OCA2: variants seen among roughly 807,000 people sequenced by gnomAD.
The protein encoded by OCA2 is OCA2 melanosomal transmembrane protein, also known as P protein.
A neutral mutation model predicts 100.2 loss-of-function variants in OCA2; 77 were observed. That is an observed-to-expected ratio of 0.77 (90% confidence interval 0.64 to 0.93). OCA2 has a LOEUF of 0.93. Among genes scored for constraint, OCA2 ranks in the 40% least tolerant of loss-of-function variants. The probability of loss-of-function intolerance (pLI) is 0.00; values close to 1 mark genes in which losing one functional copy is unlikely to be tolerated. For synonymous variants in OCA2, 432 were observed against 439.2 expected (o/e 0.98, Z 0.21); for missense variants, 1,062 against 1,089.1 (o/e 0.98, Z 0.35).
intron 19 of OCA2, among the ~76,000 whole-genome samples, chr15:27,885,877 A>G (rs1020784466): frequency 2.6e-5 from 4 of 152,224 alleles, no homozygotes; most frequent in African/African-American, 9.6e-5. Flanking sequence ...ACAGAGAAAA[A>G]GTTTATATAT....
intron 3 of OCA2, among the ~76,000 whole-genome samples, chr15:28,030,359 A>G (rs550859027): frequency 6.6e-6 from 1 of 152,272 alleles, no homozygotes; most frequent in Non-Finnish European, 1.5e-5. Flanking sequence ...GCACAGGAGA[A>G]GCACTGACTC....
intron 9 of OCA2, among the ~76,000 whole-genome samples, chr15:28,008,902 A>T (rs1279004366): frequency 6.6e-6 from 1 of 152,242 alleles, no homozygotes; most frequent in Non-Finnish European, 1.5e-5. Context: ...AGCAGGATGC[A>T]GACAGCAGTG....
chr15:28,021,636 C>T (rs2042596279), intron 6 of OCA2, among the ~76,000 whole-genome samples: 1 of 152,214 alleles, frequency 6.6e-6, no homozygotes, highest in Non-Finnish European at 1.5e-5. Flanking sequence ...CCCAGGAAGA[C>T]AGGAAGCCTG....
rs1346403115 is a variant in OCA2 at position 28,012,414 on chromosome 15, G to A, written c.1044+2362C>T. On this transcript the variant is annotated intron_variant, in intron 9 of 23. Coordinates refer to ENST00000354638, the MANE Select transcript of OCA2 (RefSeq NM_000275.3). ...GGAGGCAGCCTCTGGGAGGTCTTGG[G>A]CTGCCACACTACTCATGGAATCCAG... is the stretch of plus-strand genomic sequence containing the variant. 4.6e-5 allele frequency among the ~76,000 whole-genome samples: 7 copies of A among 152,170 alleles called. No homozygotes were observed. In the East Asian group the frequency reaches 1.4e-3, roughly 29 times the overall value.
intron 19 of OCA2, among the ~76,000 whole-genome samples, chr15:27,905,304 C>G (rs2038132787): frequency 1.3e-5 from 2 of 152,102 alleles, no homozygotes; most frequent in Admixed American, 6.6e-5. Flanking sequence ...ATGCCTTCCA[C>G]ATAATGTGAA....
At chr15:27,976,466 AGATATCG>A (rs2040968258) in intron 14 of OCA2, among the ~76,000 whole-genome samples, 1 of 152,158 alleles carries the variant, frequency 6.6e-6, no homozygotes, top group African/African-American at 2.4e-5. Flanking sequence ...TATCAGTAAT[AGATATCG>A]GATTTTGCCA....
At chr15:27,813,022 C>T (rs1393807471) in intron 23 of OCA2, among the ~76,000 whole-genome samples, 4 of 152,106 alleles carry the variant, frequency 2.6e-5, no homozygotes, top group African/African-American at 4.8e-5. Flanking sequence ...AGTGTCCTAC[C>T]GCACTCACAT....
At chr15:27,993,599 C>T (rs2041626416) in intron 9 of OCA2, among the ~76,000 whole-genome samples, 1 of 152,174 alleles carries the variant, frequency 6.6e-6, no homozygotes, top group Non-Finnish European at 1.5e-5. Context: ...GACAGCTGGG[C>T]TCATCGTGGT....
At chr15:28,040,017 G>A (rs2043155889) in intron 2 of OCA2, among the ~76,000 whole-genome samples, 1 of 146,354 alleles carries the variant, frequency 6.8e-6, no homozygotes, top group Non-Finnish European at 1.5e-5. Context: ...GGGTGACAGA[G>A]AGAGACTCCA....
chr15:28,033,451 A>G (rs1283968927), intron 2 of OCA2, among the ~76,000 whole-genome samples: 6 of 152,212 alleles, frequency 3.9e-5, no homozygotes, highest in African/African-American at 7.2e-5. Context: ...GAGATAGACA[A>G]TAAGACTTCT....
rs986333613 is a variant in OCA2 at position 28,086,366 on chromosome 15, G to A, written c.-21-4471C>T. On this transcript the variant is annotated intron_variant, in intron 1 of 23. Coordinates refer to ENST00000354638, the MANE Select transcript of OCA2 (RefSeq NM_000275.3). ...AGGGTGATATCAGCAGAGTCCTAGC[G>A]AGAGGCAGAGGTCCCACAACCACCC... 5.9e-5 allele frequency among the ~76,000 whole-genome samples: 9 copies of A among 152,214 alleles called. No individual in the cohort carries two copies. The South Asian group carries it at 1.7e-3, about 28-fold the overall frequency.
chr15:27,898,568 T>C (rs1265624266), intron 19 of OCA2, among the ~76,000 whole-genome samples: 1 of 152,200 alleles, frequency 6.6e-6, no homozygotes, highest in African/African-American at 2.4e-5. Flanking sequence ...AATCTCTTTC[T>C]TCCCTGTCTC....
At chr15:27,736,927 C>T in the OCA2 span, among the ~76,000 whole-genome samples, 1 of 152,214 alleles carries the variant, frequency 6.6e-6, no homozygotes, top group East Asian at 1.9e-4. Context: ...TTATGACATA[C>T]TTCTGTGGAA....
intron 14 of OCA2, among the ~76,000 whole-genome samples, chr15:27,974,284 T>C (rs950876651): frequency 6.6e-6 from 1 of 152,246 alleles, no homozygotes; most frequent in Non-Finnish European, 1.5e-5. Flanking sequence ...TTTGAGTTCC[T>C]TGATGAACAA....
chr15:27,945,649 T>C (rs2039807202), intron 18 of OCA2, among the ~76,000 whole-genome samples: 1 of 152,186 alleles, frequency 6.6e-6, no homozygotes, highest in South Asian at 2.1e-4. Context: ...AAAAATACTT[T>C]CACAAAGACA....
intron 19 of OCA2, among the ~76,000 whole-genome samples, chr15:27,880,724 G>A (rs2036980923): frequency 6.6e-6 from 1 of 152,142 alleles, no homozygotes; most frequent in African/African-American, 2.4e-5. Flanking sequence ...CTGAGACTTT[G>A]CTGAAGTTGT....
chr15:27,753,401 A>G (rs1417953448), downstream of OCA2, among the ~76,000 whole-genome samples: 1 of 151,942 alleles, frequency 6.6e-6, no homozygotes, highest in African/African-American at 2.4e-5. Flanking sequence ...GGTATGAGCA[A>G]GAGGGAGAAA....
intron 23 of OCA2, among the ~76,000 whole-genome samples, chr15:27,814,945 T>TAGAGAG (rs71132822): frequency 9.3e-6 from 1 of 107,352 alleles, no homozygotes; most frequent in Non-Finnish European, 2.1e-5. Context: ...GATAGATAGA[T>TAGAGAG]ACAGAGATAT....
At chr15:27,987,569 A>AT (rs2041400794) in intron 11 of OCA2, among the ~76,000 whole-genome samples, 1 of 151,164 alleles carries the variant, frequency 6.6e-6, no homozygotes, top group Admixed American at 6.6e-5. Context: ...AAAAAAAAAA[A>AT]ATACAAAAAA....
Sources: gnomAD v4.1 joint callset for allele counts (sites outside exome capture counted in the v4.1 genomes callset) on GRCh38, gnomAD v4.1.1 for gene constraint, MANE v1.5 for transcripts, NCBI Gene and HGNC (gene_info 2026-07-23, HGNC 2026-07-21) for gene names.